The following LINGO2 variants were observed in gnomAD, a reference collection of about 807,000 sequenced individuals.
LINGO2 encodes leucine-rich repeat and immunoglobulin-like domain-containing nogo receptor-interacting protein 2.
Under a neutral mutation model 30.6 loss-of-function variants are expected in LINGO2, and 14 were observed. The observed-to-expected ratio is 0.46, with a 90% CI of 0.30 to 0.72. The LOEUF (loss-of-function observed/expected upper bound fraction) is 0.72, where lower values mean the gene tolerates loss of function less well. Ranked by LOEUF, LINGO2 falls within the 30% of genes least tolerant of loss-of-function variation. The pLI is 0.07. For missense variants in LINGO2, 729 were observed against 751.7 expected, an observed-to-expected ratio of 0.97 and a Z score of 0.35; for synonymous variants, 317 against 288.5, an observed-to-expected ratio of 1.10 and a Z score of -1.00.
chr9:28,769,518 A>ATTTTT, the LINGO2 span, among the ~76,000 whole-genome samples: 4 of 4,082 alleles, frequency 9.8e-4, no homozygotes, highest in Non-Finnish European at 1.3e-3. Context: ...ATATATATAT[A>ATTTTT]TTTTTTTTTT....
In LINGO2 at chr9:28,189,682, AG is replaced by A. The variant is rs1466065997; in HGVS notation, c.-87+105525del. ...AAGGAAGGAAGGGAGGAAGGAAGGA[AG>A]GGAGGAAGGAAGGGAGGGAGGAAGG... On this transcript the variant is annotated intron_variant, in intron 4 of 5. Coordinates refer to ENST00000379992, the Ensembl canonical transcript of LINGO2. 1.1e-4 allele frequency among the ~76,000 whole-genome samples: 9 copies of A among 81,528 alleles called. 1 individual carries two copies. The highest frequency in any genetic ancestry group is 3.2e-4 in the East Asian group (1 of 3,156). 53.5% of individuals were successfully genotyped at this position (81,528 alleles called of 152,430 possible). A position where few individuals can be genotyped will look rare whatever the true frequency, so the allele number is the denominator to read the frequency against.
upstream of LINGO2, among the ~76,000 whole-genome samples, chr9:28,674,086 A>G (rs1829130880): frequency 6.6e-6 from 1 of 152,124 alleles, no homozygotes; most frequent in Non-Finnish European, 1.5e-5. Context: ...GAGAGAAAAC[A>G]ATGTTAAAGA....
intron 2 of LINGO2, among the ~76,000 whole-genome samples, chr9:28,408,774 CAAAAA>C (rs68142692): frequency 7.8e-6 from 1 of 127,566 alleles, no homozygotes; most frequent in East Asian, 2.8e-4. Context: ...TATAAAAAAA[CAAAAA>C]AAAAAAAACA....
the LINGO2 span, among the ~76,000 whole-genome samples, chr9:29,087,443 G>A: frequency 1.3e-5 from 2 of 152,166 alleles, no homozygotes; most frequent in Admixed American, 1.3e-4. Flanking sequence ...TTATACAGTT[G>A]AAGGAAAAGA....
chr9:27,961,088 C>T (rs990501038), intron 5 of LINGO2, among the ~76,000 whole-genome samples: 3 of 152,114 alleles, frequency 2.0e-5, no homozygotes, highest in African/African-American at 7.2e-5. Flanking sequence ...CATTTCAGTA[C>T]AGTATTCAAT....
chr9:28,164,014 A>G (rs1828359375), intron 4 of LINGO2, among the ~76,000 whole-genome samples: 2 of 152,222 alleles, frequency 1.3e-5, no homozygotes, highest in African/African-American at 4.8e-5. Context: ...AATTTTATCT[A>G]AAGTCAAAAA....
At chr9:27,992,796 C>T (rs1322375332) in intron 5 of LINGO2, among the ~76,000 whole-genome samples, 1 of 140,276 alleles carries the variant, frequency 7.1e-6, no homozygotes, top group Non-Finnish European at 1.5e-5. Context: ...GGAACATTAA[C>T]TAAAAGTAAA....
the LINGO2 span, among the ~76,000 whole-genome samples, chr9:28,849,517 G>C: frequency 6.6e-6 from 1 of 151,982 alleles, no homozygotes; most frequent in Non-Finnish European, 1.5e-5. Flanking sequence ...GTAGGTCATT[G>C]ACTTTATATC....
the LINGO2 span, among the ~76,000 whole-genome samples, chr9:29,159,575 G>A: frequency 1.7e-3 from 264 of 152,150 alleles, 1 homozygote; most frequent in African/African-American, 6.0e-3. Flanking sequence ...GTACTTTGTG[G>A]GCCAGGTGCG....
chr9:29,114,409 T>C, the LINGO2 span, among the ~76,000 whole-genome samples: 1 of 115,570 alleles, frequency 8.7e-6, no homozygotes, highest in Non-Finnish European at 1.9e-5. Context: ...TTATTATTAT[T>C]ATTATTATTA....
chr9:28,052,683 T>C (rs1824730933), intron 4 of LINGO2, among the ~76,000 whole-genome samples: 1 of 152,108 alleles, frequency 6.6e-6, no homozygotes, highest in Non-Finnish European at 1.5e-5. Context: ...TCCTAAGCTT[T>C]CTGGCAGTTA....
At chr9:29,201,139 C>T in the LINGO2 span, among the ~76,000 whole-genome samples, 1 of 152,034 alleles carries the variant, frequency 6.6e-6, no homozygotes, top group Non-Finnish European at 1.5e-5. Context: ...TCACTATGTG[C>T]AGCCATGCTT....
the LINGO2 span, among the ~76,000 whole-genome samples, chr9:28,976,249 C>A: frequency 6.5e-4 from 99 of 152,216 alleles, 2 homozygotes; most frequent in Middle Eastern, 0.02. Flanking sequence ...CATACCTGAG[C>A]TATTTTTCCT....
At chr9:29,212,968 A>T in the LINGO2 span, among the ~76,000 whole-genome samples, 1 of 152,184 alleles carries the variant, frequency 6.6e-6, no homozygotes, top group African/African-American at 2.4e-5. Context: ...ATCCCAAGCC[A>T]AGGATGCGAC....
At chr9:28,472,193 C>T (rs116071894) in intron 2 of LINGO2, among the ~76,000 whole-genome samples, 1,939 of 152,092 alleles carry the variant, frequency 0.013, 34 homozygotes, top group African/African-American at 0.044. Context: ...GCACTGTTCT[C>T]ATGTATGTTC....
intron 1 of LINGO2, among the ~76,000 whole-genome samples, chr9:28,595,451 C>T (rs964805406): frequency 3.3e-5 from 5 of 151,996 alleles, no homozygotes; most frequent in Non-Finnish European, 5.9e-5. Context: ...GTTTCTGACA[C>T]AAAGGTGCCC....
Position 28,587,942 on chromosome 9 carries a change from G to A in LINGO2, c.-365+82258C>T, listed in dbSNP as rs1350236522. The stretch of plus-strand genomic sequence containing the variant: ...GAAAGTGTCCTGTGGACACCGAGTT[G>A]GATGAAGAATTGCTGTAGTAGGCAC... On this transcript the variant is annotated intron_variant, in intron 1 of 5. Transcript: ENST00000379992. Among the ~76,000 whole-genome samples the A allele has an allele frequency of 2.0e-5, 3 of 151,964 alleles. No individual in the cohort carries two copies. The East Asian group carries it at 5.8e-4, about 30-fold the overall frequency.
the LINGO2 span, among the ~76,000 whole-genome samples, chr9:28,861,145 TA>T: frequency 1.9e-4 from 14 of 72,212 alleles, no homozygotes; most frequent in African/African-American, 6.2e-4. Context: ...AATTTTTATA[TA>T]ATTTATATTA....
chr9:28,830,181 G>T, the LINGO2 span, among the ~76,000 whole-genome samples: 102 of 152,220 alleles, frequency 6.7e-4, no homozygotes, highest in Admixed American at 2.9e-3. Flanking sequence ...TAGGCCTTGT[G>T]GGGTAAGTAA....
Sources: allele counts gnomAD v4.1 joint callset (sites outside exome capture counted in the v4.1 genomes callset), GRCh38; gene constraint gnomAD v4.1.1; transcripts MANE v1.5; gene names NCBI Gene and HGNC (gene_info 2026-07-23, HGNC 2026-07-21).